The following LARGE1 variants were observed in gnomAD, a reference collection of about 807,000 sequenced individuals.
LARGE1 encodes LARGE xylosyl- and glucuronyltransferase 1.
In LARGE1, 43 loss-of-function variants were observed where a neutral mutation model predicts 87.6. The ratio of observed to expected loss-of-function variants is 0.49; its 90% CI spans 0.38 to 0.63. LARGE1 has a LOEUF of 0.63. Ranked by LOEUF, LARGE1 falls within the 30% of genes least tolerant of loss-of-function variation. LARGE1 has a pLI of 0.00. For synonymous variants in LARGE1, 434 were observed against 394.6 expected, an observed-to-expected ratio of 1.10 and a Z score of -1.18; for missense variants, 802 against 1,000.2, an observed-to-expected ratio of 0.80 and a Z score of 2.67.
the LARGE1 span, among the ~76,000 whole-genome samples, chr22:33,138,467 A>G: frequency 6.7e-6 from 1 of 150,260 alleles, no homozygotes; most frequent in Admixed American, 6.6e-5. Flanking sequence ...TTTTTGAGAC[A>G]GAGTCTCACT....
intron 12 of LARGE1, among the ~76,000 whole-genome samples, chr22:33,283,765 A>C (rs1381088441): frequency 6.6e-6 from 1 of 151,460 alleles, no homozygotes; most frequent in East Asian, 1.9e-4. Flanking sequence ...TGACAGAGAT[A>C]GATTCTGTCA....
chr22:33,381,881 T>A (rs200750473), intron 9 of LARGE1, 38 bp downstream of exon 9: 15 of 1,613,170 alleles, frequency 9.3e-6, no homozygotes, highest in African/African-American at 5.3e-5. Flanking sequence ...TCGGCCCACC[T>A]CACCCTACCT....
chr22:33,183,992 A>C (rs191622212), intron 11 of LARGE1, among the ~76,000 whole-genome samples: 143 of 150,496 alleles, frequency 9.5e-4, no homozygotes, highest in Non-Finnish European at 5.0e-4. Flanking sequence ...ATAAGAGAGC[A>C]GATTTTAAGT....
At chr22:33,073,519 C>A in the LARGE1 span, among the ~76,000 whole-genome samples, 3 of 152,184 alleles carry the variant, frequency 2.0e-5, no homozygotes, top group African/African-American at 7.2e-5. Flanking sequence ...TCCTCCTTAA[C>A]CTTTCCCTCC....
intron 1 of LARGE1, among the ~76,000 whole-genome samples, chr22:33,919,769 T>G (rs1210510883): frequency 6.6e-6 from 1 of 152,192 alleles, no homozygotes; most frequent in East Asian, 1.9e-4. Context: ...CAGCAGCCTG[T>G]GTGCCCAGAA....
At chr22:33,256,169 A>G (rs1051066174) in intron 11 of LARGE1, among the ~76,000 whole-genome samples, 1 of 152,182 alleles carries the variant, frequency 6.6e-6, no homozygotes, top group African/African-American at 2.4e-5. Flanking sequence ...CTACCTAGAG[A>G]TGTATAGCTC....
chr22:33,453,281 G>T (rs986702186), intron 6 of LARGE1, among the ~76,000 whole-genome samples: 1 of 152,116 alleles, frequency 6.6e-6, no homozygotes, highest in Non-Finnish European at 1.5e-5. Context: ...TGGGCATGGT[G>T]GTGCACGCCT....
At chr22:33,780,331 C>A (rs1396988201) in intron 1 of LARGE1, among the ~76,000 whole-genome samples, 1 of 152,162 alleles carries the variant, frequency 6.6e-6, no homozygotes, top group African/African-American at 2.4e-5. Flanking sequence ...ATAACAGTTA[C>A]CTGCACCATC....
At chr22:33,527,219 G>A (rs1280282843) in intron 6 of LARGE1, among the ~76,000 whole-genome samples, 2 of 152,212 alleles carry the variant, frequency 1.3e-5, no homozygotes, top group African/African-American at 4.8e-5. Flanking sequence ...TCGCACCATT[G>A]CACTCCGGCC....
chr22:33,511,899 G>C (rs2071073991), intron 6 of LARGE1, among the ~76,000 whole-genome samples: 1 of 152,172 alleles, frequency 6.6e-6, no homozygotes, highest in Admixed American at 6.5e-5. Context: ...TCCCCTACAA[G>C]TGGATGGGAC....
chr22:33,537,469 C>G (rs894718230), intron 6 of LARGE1, among the ~76,000 whole-genome samples: 1 of 152,150 alleles, frequency 6.6e-6, no homozygotes, highest in Non-Finnish European at 1.5e-5. Context: ...AACACTCATT[C>G]TATTTGGGGG....
At chr22:33,676,606 GA>G (rs2081587345) in intron 2 of LARGE1, among the ~76,000 whole-genome samples, 1 of 150,624 alleles carries the variant, frequency 6.6e-6, no homozygotes, top group Non-Finnish European at 1.5e-5. Flanking sequence ...AAAAAAATAA[GA>G]AAATCAACAA....
At chr22:33,177,477 C>T (rs1315804944) in intron 11 of LARGE1, among the ~76,000 whole-genome samples, 1 of 152,022 alleles carries the variant, frequency 6.6e-6, no homozygotes, top group African/African-American at 2.4e-5. Flanking sequence ...TAGATGCAGA[C>T]TTTGTATCTC....
At chr22:33,319,008 G>T (rs996352587) in intron 10 of LARGE1, among the ~76,000 whole-genome samples, 10 of 152,122 alleles carry the variant, frequency 6.6e-5, no homozygotes, top group African/African-American at 2.4e-4. Context: ...CCATTGCCTT[G>T]ACAGATTACT....
rs181280138 is a variant in LARGE1 at position 33,887,818 on chromosome 22, C to T, written c.-83+32177G>A. ...ACAGACTAGGACAAGGTTCTCATGC[C>T]TATGATTTTTGCTCTAAAACAATCT... On this transcript the variant is annotated intron_variant, in intron 1 of 14. Transcript: ENST00000397394. Among the ~76,000 whole-genome samples, 188 of 152,216 alleles carry T rather than the reference C, an allele frequency of 1.2e-3. 1 individual carries two copies. The highest frequency in any genetic ancestry group is 4.3e-3 in the African/African-American group (179 of 41,538).
intron 7 of LARGE1, among the ~76,000 whole-genome samples, chr22:33,391,737 T>C (rs2065528478): frequency 6.6e-6 from 1 of 151,068 alleles, no homozygotes; most frequent in Non-Finnish European, 1.5e-5. Flanking sequence ...CATAAATCTA[T>C]AATTATCCAC....
chr22:33,526,743 A>G (rs771868661), intron 6 of LARGE1, among the ~76,000 whole-genome samples: 11 of 152,366 alleles, frequency 7.2e-5, no homozygotes, highest in South Asian at 2.1e-4. Context: ...TTGAGAAACT[A>G]AAACTTTCCA....
At chr22:33,408,585 C>T (rs1174671070) in intron 7 of LARGE1, among the ~76,000 whole-genome samples, 1 of 151,920 alleles carries the variant, frequency 6.6e-6, no homozygotes, top group African/African-American at 2.4e-5. Context: ...TTCATACAGC[C>T]ATAGACAAAA....
At chr22:33,510,829 C>G (rs777709027) in intron 6 of LARGE1, among the ~76,000 whole-genome samples, 1 of 152,136 alleles carries the variant, frequency 6.6e-6, no homozygotes, top group African/African-American at 2.4e-5. Flanking sequence ...TCAAGCAATC[C>G]GCCCACCTTG....
Sources: gnomAD v4.1 joint callset for allele counts (sites outside exome capture counted in the v4.1 genomes callset) on GRCh38, gnomAD v4.1.1 for gene constraint, MANE v1.5 for transcripts, NCBI Gene and HGNC (gene_info 2026-07-23, HGNC 2026-07-21) for gene names.